DOCK8: variants seen among roughly 807,000 people sequenced by gnomAD.
DOCK8 encodes dedicator of cytokinesis 8.
In DOCK8, 141 loss-of-function variants were observed where a neutral mutation model predicts 245.6. The ratio of observed to expected loss-of-function variants is 0.57; its 90% CI spans 0.50 to 0.66. The LOEUF is 0.66. DOCK8 is among the 30% of genes least tolerant of loss of function. DOCK8 has a pLI of 0.00. For missense variants in DOCK8, 2,965 were observed against 2,603.4 expected (o/e 1.14, Z -3.02); for synonymous variants, 1,168 against 970.2 (o/e 1.20, Z -3.79).
chr9:334,819 C>T (rs1043654736), intron 11 of DOCK8, among the ~76,000 whole-genome samples: 60 of 152,036 alleles, frequency 3.9e-4, no homozygotes, highest in African/African-American at 1.3e-3. Context: ...TGGTGGCTCA[C>T]GCTTGTAATC....
chr9:228,246 G>A (rs930998653), intron 1 of DOCK8, among the ~76,000 whole-genome samples: 3 of 152,118 alleles, frequency 2.0e-5, no homozygotes, highest in South Asian at 2.1e-4. Flanking sequence ...GAGGAAGGAT[G>A]TGTTTTATTC....
chr9:446,445 A>G lies in DOCK8; in HGVS notation c.5656A>G (p.Lys1886Glu), dbSNP rs776142375. The change falls in exon 44 of 48, where the codon AAG (lysine) becomes GAG (glutamate). Residue 1886 changes from lysine to glutamate, a missense_variant. Around this residue, in one of 3 missense-constraint regions of DOCK8, gnomAD observed 2,825 missense variants for 2,453.5 expected, o/e 1.15. Coordinates refer to ENST00000432829, the MANE Select transcript of DOCK8 (RefSeq NM_203447.4). Reference protein sequence around the residue: ...EMKDRVTYFEKNFNLRRFMYT... With the variant: ...EMKDRVTYFEENFNLRRFMYT... ...GAAAGACAGGGTCACATACTTTGAG[A>G]AGAATTTCAACCTCCGGAGGTTCAT... The G allele has an allele frequency of 2.5e-6, 4 of 1,614,210 alleles. No homozygotes were observed. The Admixed American group carries it at 6.7e-5, about 27-fold the overall frequency.
intron 1 of DOCK8, among the ~76,000 whole-genome samples, chr9:234,707 C>T (rs957835647): frequency 1.3e-5 from 2 of 152,300 alleles, no homozygotes; most frequent in African/African-American, 4.8e-5. Context: ...GAGGCTTCTG[C>T]ATTCATCACG....
In DOCK8 at chr9:400,940, A is replaced by ACCT. The variant is rs1322390218; in HGVS notation, c.3234+1683_3234+1684insTCC. ...CTTCACCATCACCACAACATCCACCACCACCATCACCACCACCACCACCAC... is the reference window on the plus strand; with the variant it reads ...CTTCACCATCACCACAACATCCACCACCTCCACCATCACCACCACCACCACCAC... On this transcript the variant is annotated intron_variant, in intron 26 of 47. Coordinates refer to ENST00000432829, the MANE Select transcript of DOCK8 (RefSeq NM_203447.4). Among the ~76,000 whole-genome samples the ACCT allele has an allele frequency of 3.6e-5, 2 of 55,688 alleles. 1 individual carries two copies. The highest frequency in any genetic ancestry group is 5.7e-5 in the Non-Finnish European group (2 of 35,252). The allele number at this position is 55,688 out of a possible 152,430, so 36.5% of individuals were successfully genotyped here.
At chr9:276,588 A>C (rs2048356231) in intron 2 of DOCK8, among the ~76,000 whole-genome samples, 1 of 152,114 alleles carries the variant, frequency 6.6e-6, no homozygotes, top group African/African-American at 2.4e-5. Context: ...TCTATTTGAC[A>C]CTCCTACCAA....
intron 40 of DOCK8, among the ~76,000 whole-genome samples, chr9:440,058 G>T (rs141416798): frequency 6.6e-6 from 1 of 152,090 alleles, no homozygotes; most frequent in African/African-American, 2.4e-5. Flanking sequence ...TAGCTCTGTC[G>T]CCCAGGCTGG....
At chr9:230,194 G>A (rs942288837) in intron 1 of DOCK8, among the ~76,000 whole-genome samples, 2 of 151,872 alleles carry the variant, frequency 1.3e-5, no homozygotes, top group Non-Finnish European at 2.9e-5. Flanking sequence ...TGAGAATGAT[G>A]GTTTCCAGTT....
chr9:441,261 C>G, intron 40 of DOCK8, 25 bp from the exon 41 acceptor site: 1 of 1,614,060 alleles, frequency 6.2e-7, no homozygotes, highest in Non-Finnish European at 8.5e-7. Context: ...TAAATTCTCT[C>G]TGATGCTCTT....
chr9:338,872 C>G (rs1489845097), intron 12 of DOCK8, 134 bp from the exon 13 acceptor site: 1 of 729,986 alleles, frequency 1.4e-6, no homozygotes, highest in Non-Finnish European at 2.4e-6. Flanking sequence ...GATTTCAGAG[C>G]TGTCTATAAT....
chr9:223,819 T>C (rs1333656602), intron 1 of DOCK8, among the ~76,000 whole-genome samples: 1 of 152,146 alleles, frequency 6.6e-6, no homozygotes, highest in East Asian at 1.9e-4. Context: ...GTGAAGTCCC[T>C]GTTATTCTGT....
chr9:402,652 A>G (rs948316695), intron 26 of DOCK8, among the ~76,000 whole-genome samples: 2 of 152,182 alleles, frequency 1.3e-5, no homozygotes, highest in African/African-American at 2.4e-5. Context: ...TGCATAACCT[A>G]TTATGTTTTC....
chr9:392,912 G>A (rs967238075), intron 24 of DOCK8, among the ~76,000 whole-genome samples: 1 of 151,536 alleles, frequency 6.6e-6, no homozygotes, highest in African/African-American at 2.4e-5. Context: ...GATTCACTCA[G>A]CCTAGCTCTG....
chr9:462,878 G>C (rs1305527289), intron 46 of DOCK8, among the ~76,000 whole-genome samples: 1 of 152,170 alleles, frequency 6.6e-6, no homozygotes, highest in African/African-American at 2.4e-5. Context: ...CTGACTCTTA[G>C]ATCCATCACT....
At chr9:440,021 T>G (rs1318837483) in intron 40 of DOCK8, among the ~76,000 whole-genome samples, 2 of 152,078 alleles carry the variant, frequency 1.3e-5, no homozygotes, top group Admixed American at 1.3e-4. Flanking sequence ...TCTTGTCTAT[T>G]TTCTTTTCTT....
intron 1 of DOCK8, among the ~76,000 whole-genome samples, chr9:241,438 A>G (rs568074287): frequency 6.6e-6 from 1 of 152,066 alleles, no homozygotes. Flanking sequence ...CTTCTATGAG[A>G]TCGAAGTTTT....
chr9:401,106 C>G (rs1454580272), intron 26 of DOCK8, among the ~76,000 whole-genome samples: 1 of 151,810 alleles, frequency 6.6e-6, no homozygotes, highest in Non-Finnish European at 1.5e-5. Flanking sequence ...ATCACCACCT[C>G]TCCCATCACC....
At chr9:343,478 C>G (rs1245827861) in intron 14 of DOCK8, among the ~76,000 whole-genome samples, 1 of 147,230 alleles carries the variant, frequency 6.8e-6, no homozygotes, top group South Asian at 2.1e-4. Context: ...GAGTGAGACC[C>G]TATCTCTAAA....
intron 14 of DOCK8, among the ~76,000 whole-genome samples, chr9:350,487 C>T (rs919941422): frequency 1.3e-5 from 2 of 152,144 alleles, no homozygotes; most frequent in African/African-American, 4.8e-5. Context: ...ACGTGCCGTC[C>T]AGGACACGTT....
chr9:372,313 T>C (rs1194638051), intron 18 of DOCK8, 27 bp downstream of exon 18: 4 of 1,572,768 alleles, frequency 2.5e-6, no homozygotes, highest in African/African-American at 1.4e-5. Context: ...CCATCAGCTG[T>C]TTCTTGTCCA....
Sources: allele counts gnomAD v4.1 joint callset (sites outside exome capture counted in the v4.1 genomes callset), GRCh38; gene constraint gnomAD v4.1.1; regional missense constraint gnomAD v4.1.1; transcripts MANE v1.5; gene names NCBI Gene and HGNC (gene_info 2026-07-23, HGNC 2026-07-21).